GGA1: variants seen among roughly 807,000 people sequenced by gnomAD.
The protein encoded by GGA1 is ADP-ribosylation factor-binding protein GGA1.
In GGA1, 18 loss-of-function variants were observed where a neutral mutation model predicts 76.9. That is an observed-to-expected ratio of 0.23 (90% confidence interval 0.16 to 0.35). The LOEUF is 0.35. Among genes scored for constraint, GGA1 ranks in the 10% least tolerant of loss-of-function variants. The probability of loss-of-function intolerance (pLI) is 1.00; values close to 1 mark genes in which losing one functional copy is unlikely to be tolerated. For missense variants in GGA1, 755 were observed against 859.0 expected (o/e 0.88, Z 1.51); for synonymous variants, 342 against 354.7 (o/e 0.96, Z 0.40).
chr22:37,630,012 T>C lies in GGA1; in HGVS notation c.1173T>C (p.Thr391=), dbSNP rs777517369. Residue 391 remains threonine, a synonymous_variant, in exon 13 of 17, where the codon ACT becomes ACC. Coordinates refer to ENST00000343632, the MANE Select transcript of GGA1 (RefSeq NM_013365.5). ...TTTCCCCACAGTCGTCGGATGCCAC[T>C]GAGCCCCCAGCCCCTGCTCTGGCCC... ...GWNSFQSSDA[T]EPPAPALAQA... The C allele has an allele frequency of 6.4e-7, 1 of 1,567,546 alleles. No homozygotes were observed. Among genetic ancestry groups the C allele is most frequent in the Non-Finnish European group, 8.6e-7 (1 of 1,156,740 alleles).
intron 14 of GGA1, 131 bp from the exon 15 acceptor site, chr22:37,631,865 G>A: frequency 1.4e-6 from 1 of 702,422 alleles, no homozygotes; most frequent in Non-Finnish European, 2.4e-6. Flanking sequence ...TCCAGGTAAG[G>A]CCCCAAAGGA....
intron 1 of GGA1, among the ~76,000 whole-genome samples, chr22:37,611,265 C>A (rs1277556845): frequency 1.3e-5 from 2 of 152,042 alleles, no homozygotes; most frequent in African/African-American, 4.8e-5. Context: ...GGACAGAGAT[C>A]TAGATCCAGA....
At chr22:37,630,413 C>T (rs933695805) in intron 13 of GGA1, 18 of 514,890 alleles carry the variant, frequency 3.5e-5, no homozygotes, top group Middle Eastern at 4.9e-4. Flanking sequence ...TCCAGAGGGC[C>T]GGCAGAGGGG....
Position 37,632,010 on chromosome 22 carries a change from G to A in GGA1, c.1543G>A (p.Val515Met), listed in dbSNP as rs1336293022. The change falls in exon 15 of 17, where the codon GTG becomes ATG. Residue 515 changes from valine (V) to methionine (M), a missense_variant. Transcript: ENST00000343632. This position sits in a 1 kb window ranked among gnomAD's most constrained non-coding sequence, Gnocchi z 5.1. The part of the protein sequence containing the change: ...ESIKPSNILP[V>M]TVYDQHGFRI... ...TTCTCCCACAGGCAACATCCTGCCC[G>A]TGACTGTGTATGACCAGCACGGCTT... is the stretch of plus-strand genomic sequence containing the variant. 11 of 1,610,908 alleles carry A rather than the reference G, an allele frequency of 6.8e-6. No homozygotes were observed. Among genetic ancestry groups the A allele is most frequent in the African/African-American group, 4.0e-5 (3 of 74,896 alleles).
intron 4 of GGA1, 122 bp from the exon 5 acceptor site, chr22:37,620,116 G>A (rs1483147968): frequency 9.4e-7 from 1 of 1,064,084 alleles, no homozygotes; most frequent in East Asian, 2.4e-5. Flanking sequence ...GGGCTATGAG[G>A]ACCCTGTAGG....
chr22:37,628,388 T>C (rs1303233182), intron 11 of GGA1, among the ~76,000 whole-genome samples: 3 of 152,200 alleles, frequency 2.0e-5, no homozygotes, highest in African/African-American at 7.2e-5. Context: ...CAGATGAGGC[T>C]GTCACCCCCC....
rs1330979592 is a variant in GGA1, at chr22:37,633,442, C to T, written c.*731C>T. The T allele has an allele frequency of 6.6e-6, 1 of 152,184 alleles. No homozygotes were observed. Among genetic ancestry groups the T allele is most frequent in the Non-Finnish European group, 1.5e-5 (1 of 68,058 alleles). The allele number at this position is 152,184 out of a possible 1,614,324, so 9.4% of individuals were successfully genotyped here. A position where few individuals can be genotyped will look rare whatever the true frequency, so the allele number is the denominator to read the frequency against. On this transcript the variant is annotated 3_prime_UTR_variant, in exon 17 of 17. Coordinates refer to ENST00000343632, the MANE Select transcript of GGA1 (RefSeq NM_013365.5). ...CGGTGTGTCTCCTTCATTCATTGGC[C>T]TCTGCTGGGGCCTCCTATGGGTGTC...
Position 37,623,913 on chromosome 22 carries a change from A to T in GGA1, c.832+280A>T, listed in dbSNP as rs997899383. On this transcript the variant is annotated intron_variant, in intron 9 of 16. Coordinates refer to ENST00000343632, the MANE Select transcript of GGA1 (RefSeq NM_013365.5). This position sits in a 1 kb window ranked among gnomAD's most constrained non-coding sequence, Gnocchi z 4.6. ...CATCCCCTTTTCACAACTGGGGCTA[A>T]GGGAGGAAAATGACTTGCCCAGATC... 31 of 417,334 alleles carry T rather than the reference A, an allele frequency of 7.4e-5. No homozygotes were observed. The highest frequency in any genetic ancestry group is 1.3e-4 in the Non-Finnish European group (28 of 223,350). 25.9% of individuals were successfully genotyped at this position (417,334 alleles called of 1,614,324 possible).
chr22:37,617,205 G>A, intron 3 of GGA1: 3 of 1,418,662 alleles, frequency 2.1e-6, no homozygotes, highest in Non-Finnish European at 2.7e-6. Flanking sequence ...ACGTAGGCCT[G>A]TTGCTGAGGG....
chr22:37,613,014 A>G (rs2145883336), intron 1 of GGA1: 1 of 985,310 alleles, frequency 1.0e-6, no homozygotes. Flanking sequence ...CTGCTCATTC[A>G]TTTGCCAAGG....
At chr22:37,626,180 C>T (rs189433629) in intron 11 of GGA1, 15 of 385,330 alleles carry the variant, frequency 3.9e-5, no homozygotes, top group African/African-American at 6.2e-5. Flanking sequence ...AAGCCGGCCT[C>T]GGATAAGCTA....
At position 37,630,172 on chromosome 22, in the gene GGA1, T is replaced by G. The variant is rs1331249736; in HGVS notation, c.1331+2T>G. 6.4e-7 allele frequency: 1 copy of G among 1,568,408 alleles called. No homozygotes were observed. Among genetic ancestry groups the G allele is most frequent in the Non-Finnish European group, 8.6e-7 (1 of 1,159,120 alleles). On this transcript the variant is annotated splice_donor_variant, in intron 13 of 16. Coordinates refer to ENST00000343632, the MANE Select transcript of GGA1 (RefSeq NM_013365.5). LOFTEE classifies it high-confidence loss of function. The stretch of plus-strand genomic sequence containing the variant: ...CCCGGAATCCCAGCAAGTGCGGTGG[T>G]GAGGGCCCACCATGGCTGGCATGGG...
At chr22:37,616,568 T>C (rs1319578811) in intron 2 of GGA1, among the ~76,000 whole-genome samples, 2 of 152,146 alleles carry the variant, frequency 1.3e-5, no homozygotes, top group Non-Finnish European at 2.9e-5. Flanking sequence ...TCTCATGGCA[T>C]ATTGTAATTG....
Position 37,623,617 on chromosome 22 carries a change from CAAT to C in GGA1, c.817_819del (p.Asn273del). 1 of 1,587,098 alleles carries C rather than the reference CAAT, an allele frequency of 6.3e-7. No homozygotes were observed. The highest frequency in any genetic ancestry group is 8.6e-7 in the Non-Finnish European group (1 of 1,166,270). ...TCCGACTGGCGAGTGACACAGAGGA[CAAT>C]GATGAGGCCTTAGGTGAGCCCAGGG... On this transcript the variant is annotated inframe_deletion, in exon 9 of 17. Coordinates refer to ENST00000343632, the MANE Select transcript of GGA1 (RefSeq NM_013365.5). This position sits in a 1 kb window ranked among gnomAD's most constrained non-coding sequence, Gnocchi z 4.6.
intron 7 of GGA1, 60 bp downstream of exon 7, chr22:37,621,756 T>C: frequency 8.8e-7 from 1 of 1,132,224 alleles, no homozygotes; most frequent in Non-Finnish European, 1.3e-6. Context: ...GCTGGGCCAC[T>C]GAGATGGGGC....
rs1402805638 is a variant in GGA1 at position 37,625,102 on chromosome 22, A to G, written c.940+26A>G. On this transcript the variant is annotated intron_variant, in intron 10 of 16. Transcript: ENST00000343632. This position sits in a 1 kb window ranked among gnomAD's most constrained non-coding sequence, Gnocchi z 4.1. ...GTGAGGAGGTGGCAGGAGAGCTGGG[A>G]GGGCACCCATCAGGCTGGAGGGGCA... 6.4e-7 allele frequency: 1 copy of G among 1,558,180 alleles called. No homozygotes were observed. Among genetic ancestry groups the G allele is most frequent in the African/African-American group, 1.4e-5 (1 of 73,642 alleles).
rs1053623578 is a variant in GGA1, at chr22:37,626,187, G to A, written c.1093+238G>A. The A allele has an allele frequency of 2.9e-5, 11 of 379,630 alleles. No individual in the cohort carries two copies. The East Asian group carries it at 4.2e-4, about 14-fold the overall frequency. The allele number at this position is 379,630 out of a possible 1,614,324, so 23.5% of individuals were successfully genotyped here. On this transcript the variant is annotated intron_variant, in intron 11 of 16. Coordinates refer to ENST00000343632, the MANE Select transcript of GGA1 (RefSeq NM_013365.5). The stretch of plus-strand genomic sequence containing the variant: ...CAACCTCTAAGCCGGCCTCGGATAA[G>A]CTAACCAGCATTCAGGCTCTGGCAG...
At chr22:37,620,408 C>T in intron 5 of GGA1, 47 bp downstream of exon 5, 1 of 1,606,084 alleles carries the variant, frequency 6.2e-7, no homozygotes, top group Non-Finnish European at 8.5e-7. Context: ...GCCTTCCCCT[C>T]CCCCACCATG....
intron 7 of GGA1, among the ~76,000 whole-genome samples, chr22:37,622,133 C>T (rs1930008410): frequency 6.6e-6 from 1 of 152,030 alleles, no homozygotes; most frequent in Non-Finnish European, 1.5e-5. Flanking sequence ...AGCAGGAGTA[C>T]AGTGGCATGA....
Sources: gnomAD v4.1 joint callset for allele counts (sites outside exome capture counted in the v4.1 genomes callset) on GRCh38, gnomAD v4.1.1 for gene constraint, Gnocchi (gnomAD v3.1) non-coding constraint, MANE v1.5 for transcripts, NCBI Gene and HGNC (gene_info 2026-07-23, HGNC 2026-07-21) for gene names.